TNR: variants seen among roughly 807,000 people sequenced by gnomAD.
TNR encodes the protein tenascin-R.
TNR carries 45 observed loss-of-function variants against 150.4 expected under a neutral mutation model. The observed-to-expected ratio is 0.30, with a 90% CI of 0.24 to 0.38. The LOEUF is 0.38. Among genes scored for constraint, TNR ranks in the 10% least tolerant of loss-of-function variants. The pLI, the probability that TNR is intolerant of heterozygous loss-of-function variation, is 1.00. For synonymous variants in TNR, 687 were observed against 678.4 expected (o/e 1.01, Z -0.20); for missense variants, 1,544 against 1,759.1 (o/e 0.88, Z 2.19).
intron 2 of TNR, among the ~76,000 whole-genome samples, chr1:175,407,390 G>T (rs917143886): frequency 1.3e-5 from 2 of 152,090 alleles, no homozygotes; most frequent in African/African-American, 2.4e-5. Flanking sequence ...TAATCTTCTT[G>T]TCAGTATAGT....
chr1:175,446,666 C>T (rs1656058696), intron 2 of TNR, among the ~76,000 whole-genome samples: 1 of 151,882 alleles, frequency 6.6e-6, no homozygotes, highest in South Asian at 2.1e-4. Context: ...GCAATGAACC[C>T]AAATTATTTG....
chr1:175,537,452 GA>G (rs764083859), intron 1 of TNR, among the ~76,000 whole-genome samples: 5 of 152,170 alleles, frequency 3.3e-5, no homozygotes, highest in Non-Finnish European at 5.9e-5. Context: ...AGCAGAGCCT[GA>G]GTACATTTTT....
At chr1:175,711,963 A>G (rs528310869) in intron 1 of TNR, among the ~76,000 whole-genome samples, 2 of 152,350 alleles carry the variant, frequency 1.3e-5, no homozygotes, top group East Asian at 3.9e-4. Flanking sequence ...TATGTACATG[A>G]ATCTGCAGTT....
rs1446139272 is a variant in TNR at position 175,545,392 on chromosome 1, A to G, written c.-164-17023T>C. Among the ~76,000 whole-genome samples, 3 of 136,628 alleles carry G rather than the reference A, an allele frequency of 2.2e-5. No homozygotes were observed. In the Admixed American group the frequency reaches 2.4e-4, roughly 11 times the overall value. The allele number at this position is 136,628 out of a possible 152,430, so 89.6% of individuals were successfully genotyped here. A position where few individuals can be genotyped will look rare whatever the true frequency, so the allele number is the denominator to read the frequency against. On this transcript the variant is annotated intron_variant, in intron 1 of 22. Transcript: ENST00000367674. Reference sequence around the variant, plus strand: ...GTAGATTACTTATTTAATGATGTTGACTGTGAAAAGAAAGAAATATATAGA... The same window carrying G: ...GTAGATTACTTATTTAATGATGTTGGCTGTGAAAAGAAAGAAATATATAGA...
intron 18 of TNR, among the ~76,000 whole-genome samples, chr1:175,351,750 G>A (rs1425836072): frequency 6.6e-6 from 1 of 152,162 alleles, no homozygotes; most frequent in Non-Finnish European, 1.5e-5. Flanking sequence ...TTAAATTTGA[G>A]CTTTCCAGTA....
At chr1:175,530,789 C>A (rs368505812) in intron 1 of TNR, among the ~76,000 whole-genome samples, 8 of 152,014 alleles carry the variant, frequency 5.3e-5, no homozygotes, top group Non-Finnish European at 8.8e-5. Context: ...CACATTACCT[C>A]GGCCCCTGTG....
At chr1:175,395,673 C>T (rs1653394829) in intron 5 of TNR, among the ~76,000 whole-genome samples, 1 of 152,108 alleles carries the variant, frequency 6.6e-6, no homozygotes, top group Non-Finnish European at 1.5e-5. Flanking sequence ...AATTATTCTG[C>T]CTGGCTTTTG....
At chr1:175,518,115 A>T (rs1659488071) in intron 2 of TNR, among the ~76,000 whole-genome samples, 1 of 152,226 alleles carries the variant, frequency 6.6e-6, no homozygotes, top group Non-Finnish European at 1.5e-5. Context: ...GATTTCCCAG[A>T]TATTACATTG....
chr1:175,592,101 G>A lies in TNR; in HGVS notation c.-164-63732C>T, dbSNP rs1194654185. On this transcript the variant is annotated intron_variant, in intron 1 of 22. Transcript: ENST00000367674. ...TCCTGACTAGTTCAGGGCAAGTTAAGTTACTCAATCTTTTGAAGACTCAGT... is the reference window on the plus strand; with the variant it reads ...TCCTGACTAGTTCAGGGCAAGTTAAATTACTCAATCTTTTGAAGACTCAGT... 3.9e-5 allele frequency among the ~76,000 whole-genome samples: 6 copies of A among 152,156 alleles called. 1 individual carries two copies. The highest frequency in any genetic ancestry group is 3.9e-4 in the Admixed American group (6 of 15,282).
At chr1:175,657,668 G>A (rs563950717) in intron 1 of TNR, among the ~76,000 whole-genome samples, 1 of 146,764 alleles carries the variant, frequency 6.8e-6, no homozygotes, top group Non-Finnish European at 1.5e-5. Flanking sequence ...ACTATCACAA[G>A]GACAAAAAAC....
rs1275597422 is a variant in TNR, at chr1:175,321,400, G to C, written c.*1957C>G. The C allele has an allele frequency of 6.6e-6, 1 of 152,264 alleles. No individual in the cohort carries two copies. The highest frequency in any genetic ancestry group is 1.5e-5 in the Non-Finnish European group (1 of 68,064). 9.4% of individuals were successfully genotyped at this position (152,264 alleles called of 1,614,324 possible). ...CATCTTGGTTCTCAAAGCTTGGTAA[G>C]AGTGAGGATATTTCCATTAGAAAAT... On this transcript the variant is annotated 3_prime_UTR_variant, in exon 23 of 23. Transcript: ENST00000367674.
intron 14 of TNR, among the ~76,000 whole-genome samples, chr1:175,360,207 G>T (rs998386360): frequency 1.3e-5 from 2 of 152,162 alleles, no homozygotes; most frequent in African/African-American, 4.8e-5. Flanking sequence ...CAGGAAGTGT[G>T]GTGGCAACTC....
intron 2 of TNR, among the ~76,000 whole-genome samples, chr1:175,490,930 T>G (rs2102138727): frequency 6.6e-6 from 1 of 152,356 alleles, no homozygotes; most frequent in East Asian, 1.9e-4. Context: ...GTATGTTTAT[T>G]GCAGCACTAT....
At chr1:175,558,556 A>G (rs1219393131) in intron 1 of TNR, among the ~76,000 whole-genome samples, 2 of 152,198 alleles carry the variant, frequency 1.3e-5, no homozygotes, top group African/African-American at 2.4e-5. Flanking sequence ...CTGAACTACT[A>G]TGACATACTG....
intron 2 of TNR, among the ~76,000 whole-genome samples, chr1:175,441,157 C>T (rs1226769475): frequency 6.6e-6 from 1 of 152,154 alleles, no homozygotes; most frequent in East Asian, 1.9e-4. Flanking sequence ...ATGCCTGGCA[C>T]ATGGTTGGCA....
At chr1:175,588,055 T>C (rs1571644558) in intron 1 of TNR, among the ~76,000 whole-genome samples, 1 of 152,242 alleles carries the variant, frequency 6.6e-6, no homozygotes, top group South Asian at 2.1e-4. Flanking sequence ...TAAAGAGGGA[T>C]TGGATTTGTC....
chr1:175,586,949 A>T (rs113346533), intron 1 of TNR, among the ~76,000 whole-genome samples: 109 of 152,368 alleles, frequency 7.2e-4, no homozygotes, highest in African/African-American at 2.6e-3. Context: ...TTAATGAAAC[A>T]TCAGCAACAG....
chr1:175,700,811 G>C (rs1034302525), intron 1 of TNR, among the ~76,000 whole-genome samples: 1 of 152,084 alleles, frequency 6.6e-6, no homozygotes, highest in Non-Finnish European at 1.5e-5. Flanking sequence ...CATCCATTTG[G>C]CATTCTTCAC....
chr1:175,332,351 C>T (rs1649985750), intron 20 of TNR, among the ~76,000 whole-genome samples: 1 of 152,178 alleles, frequency 6.6e-6, no homozygotes, highest in Non-Finnish European at 1.5e-5. Context: ...CACATTTTTG[C>T]AGTTTTCTCT....
Sources: allele counts gnomAD v4.1 joint callset (sites outside exome capture counted in the v4.1 genomes callset), GRCh38; gene constraint gnomAD v4.1.1; transcripts MANE v1.5; gene names NCBI Gene and HGNC (gene_info 2026-07-23, HGNC 2026-07-21).